NLRC5: variants seen among roughly 807,000 people sequenced by gnomAD.
The protein encoded by NLRC5 is NLR family CARD domain containing 5.
Under a neutral mutation model 206.9 loss-of-function variants are expected in NLRC5, and 114 were observed. The ratio of observed to expected loss-of-function variants is 0.55; its 90% CI spans 0.47 to 0.64. The LOEUF (loss-of-function observed/expected upper bound fraction) is 0.64. Among genes scored for constraint, NLRC5 ranks in the 30% least tolerant of loss-of-function variants. The pLI, the probability that NLRC5 is intolerant of heterozygous loss-of-function variation, is 0.00. For missense variants in NLRC5, 2,008 were observed against 2,305.5 expected, an observed-to-expected ratio of 0.87 and a Z score of 2.64; for synonymous variants, 952 against 962.8, an observed-to-expected ratio of 0.99 and a Z score of 0.21.
At chr16:57,023,090 G>A (rs1377797156) in intron 4 of NLRC5, among the ~76,000 whole-genome samples, 1 of 152,192 alleles carries the variant, frequency 6.6e-6, no homozygotes, top group Non-Finnish European at 1.5e-5. Flanking sequence ...TGGACAAGGA[G>A]CCCAGGGCCC....
intron 1 of NLRC5, among the ~76,000 whole-genome samples, chr16:57,014,933 T>TC (rs1231487721): frequency 1.3e-5 from 2 of 150,816 alleles, no homozygotes; most frequent in Non-Finnish European, 3.0e-5. Flanking sequence ...TTTCCTTTTT[T>TC]TTTTTGTTTG....
chr16:57,025,663 G>T lies in NLRC5; in HGVS notation c.720G>T (p.Arg240=). ...TGGGCAAGACCACGCTGGCCCACCG[G>T]CTCTGCCAGAAGTGGGCAGAGGGCC... ...AGMGKTTLAH[R]LCQKWAEGHL... is the part of the protein sequence containing the mutation. Residue 240 remains arginine (R), a synonymous_variant, in exon 6 of 49, where the codon CGG becomes CGT. Transcript: ENST00000688547. 6.2e-7 allele frequency: 1 copy of T among 1,614,198 alleles called. No homozygotes were observed. Among genetic ancestry groups the T allele is most frequent in the Non-Finnish European group, 8.5e-7 (1 of 1,180,030 alleles).
At chr16:57,029,731 C>A in intron 8 of NLRC5, 42 bp from the exon 9 acceptor site, 2 of 1,584,650 alleles carry the variant, frequency 1.3e-6, no homozygotes, top group East Asian at 2.2e-5. Flanking sequence ...TGCAAGTGCC[C>A]CAACCCCAGG....
chr16:57,025,448 C>T lies in NLRC5; in HGVS notation c.505C>T (p.Pro169Ser). Residue 169 changes from proline to serine, a missense_variant, in exon 6 of 49, where the codon CCC (proline) becomes TCC (serine). Coordinates refer to ENST00000688547, the MANE Select transcript of NLRC5 (RefSeq NM_001384950.1). ...YRSQIPGSGQPHAFHQVYVPP... is the reference protein window; with the variant it reads ...YRSQIPGSGQSHAFHQVYVPP... ...GAGCCAAATCCCTGGGTCAGGGCAG[C>T]CCCACGCCTTCCACCAGGTCTATGT... 1 of 1,608,146 alleles carries T rather than the reference C, an allele frequency of 6.2e-7. No individual in the cohort carries two copies. Among genetic ancestry groups the T allele is most frequent in the Non-Finnish European group, 8.5e-7 (1 of 1,176,650 alleles).
chr16:57,080,481 ATTTTTTT>A (rs34595999), intron 46 of NLRC5, among the ~76,000 whole-genome samples: 28 of 111,174 alleles, frequency 2.5e-4, no homozygotes, highest in African/African-American at 8.9e-4. Context: ...TCCTTTCAAG[ATTTTTTT>A]TTTTTTTTTT....
At chr16:57,023,965 T>A in intron 5 of NLRC5, 112 bp downstream of exon 5, 1 of 957,252 alleles carries the variant, frequency 1.0e-6, no homozygotes. Context: ...GCCCAGTGAC[T>A]CTTGTCTCGC....
rs186204005 is a variant in NLRC5, at chr16:57,029,689, G to A, written c.2244-84G>A. On this transcript the variant is annotated intron_variant, in intron 8 of 48. Transcript: ENST00000688547. ...CCCTGTCTTATGTCTCCCACATGAG[G>A]GTGGCCATCCTGTCACTTGCTAACT... 202 of 1,087,498 alleles carry A rather than the reference G, an allele frequency of 1.9e-4. No homozygotes were observed. In the African/African-American group the frequency reaches 2.9e-3, roughly 15 times the overall value. 67.4% of individuals were successfully genotyped at this position (1,087,498 alleles called of 1,614,324 possible).
Position 57,056,248 on chromosome 16 carries a change from T to C in NLRC5, c.3746+729T>C, listed in dbSNP as rs143008309. On this transcript the variant is annotated intron_variant, in intron 27 of 48. Coordinates refer to ENST00000688547, the MANE Select transcript of NLRC5 (RefSeq NM_001384950.1). ...AAATGCCACACAATTTTCATTTCTG[T>C]TGTGATGTGGCAGAGAAGAAAAATG... Among the ~76,000 whole-genome samples the C allele has an allele frequency of 1.6e-3, 238 of 152,276 alleles. 1 individual carries two copies. Among genetic ancestry groups the C allele is most frequent in the African/African-American group, 5.4e-3 (226 of 41,534 alleles).
chr16:56,997,016 C>T (rs1192281439), intron 1 of NLRC5, among the ~76,000 whole-genome samples: 2 of 152,106 alleles, frequency 1.3e-5, no homozygotes, highest in Non-Finnish European at 2.9e-5. Context: ...ACTATAGGTG[C>T]ACACCACTAT....
intron 18 of NLRC5, 62 bp from the exon 19 acceptor site, chr16:57,041,920 A>G (rs2063330796): frequency 8.8e-7 from 1 of 1,135,292 alleles, no homozygotes; most frequent in South Asian, 1.5e-5. Context: ...TGCAGGGACC[A>G]TGCTGCCAGC....
intron 1 of NLRC5, among the ~76,000 whole-genome samples, chr16:57,009,346 C>G (rs1474626029): frequency 6.6e-6 from 1 of 151,450 alleles, no homozygotes; most frequent in Non-Finnish European, 1.5e-5. Context: ...CTAATCACAG[C>G]ACTTTGGGAG....
Position 57,026,794 on chromosome 16 carries a change from CTG to C in NLRC5, c.1856_1857del (p.Val619GlyfsTer2). On this transcript the variant is annotated frameshift_variant, in exon 6 of 49. Transcript: ENST00000688547. LOFTEE classifies it high-confidence loss of function. The part of the protein sequence containing the change: ...TGPKVVELCH[C>X]VDETQEPELA... Reference sequence around the variant, plus strand: ...GGCCAAAGGTTGTAGAGCTGTGTCACTGTGTGGATGAGACACAGGAGCCTGAG... The same window carrying C: ...GGCCAAAGGTTGTAGAGCTGTGTCACTGTGGATGAGACACAGGAGCCTGAG... The C allele has an allele frequency of 1.2e-6, 2 of 1,614,200 alleles. No individual in the cohort carries two copies. Among genetic ancestry groups the C allele is most frequent in the Non-Finnish European group, 1.7e-6 (2 of 1,180,026 alleles).
At chr16:56,994,731 C>T (rs1163698318) in intron 1 of NLRC5, among the ~76,000 whole-genome samples, 1 of 150,834 alleles carries the variant, frequency 6.6e-6, no homozygotes, top group African/African-American at 2.4e-5. Context: ...GAGGGGATGG[C>T]AAGAAACAAA....
chr16:56,998,479 T>C (rs2057886726), intron 1 of NLRC5, among the ~76,000 whole-genome samples: 1 of 152,100 alleles, frequency 6.6e-6, no homozygotes, highest in Non-Finnish European at 1.5e-5. Flanking sequence ...AGCCCCACAA[T>C]AACTCTGTGA....
chr16:57,047,404 G>T, intron 22 of NLRC5, 141 bp from the exon 23 acceptor site: 1 of 689,680 alleles, frequency 1.4e-6, no homozygotes, highest in Non-Finnish European at 2.5e-6. Context: ...ACTCGAGAGG[G>T]AAGCGAGTGC....
chr16:57,036,267 G>A (rs1270577953), intron 14 of NLRC5, 84 bp downstream of exon 14: 4 of 1,262,046 alleles, frequency 3.2e-6, no homozygotes, highest in African/African-American at 3.0e-5. Context: ...CAGCAGTAAG[G>A]GTGCTGATCC....
At chr16:57,031,559 C>A in intron 11 of NLRC5, 96 bp downstream of exon 11, 1 of 1,178,254 alleles carries the variant, frequency 8.5e-7, no homozygotes, top group Non-Finnish European at 1.2e-6. Flanking sequence ...CTAGGAAGAG[C>A]TGGGGTATGG....
At chr16:57,031,267 G>A (rs547217919) in intron 10 of NLRC5, 137 bp from the exon 11 acceptor site, 8 of 848,598 alleles carry the variant, frequency 9.4e-6, no homozygotes, top group East Asian at 5.0e-5. Flanking sequence ...TGCTAGTTCC[G>A]TTATGTTTCC....
rs1482931436 is a variant in NLRC5 at position 57,083,281 on chromosome 16, G to A, written c.*753G>A. ...GGTGGAGGTAGGGCCAGCCTGGCGG[G>A]AGTGGAGAAGCCCAGTCTGTCCTAT... On this transcript the variant is annotated 3_prime_UTR_variant, in exon 49 of 49. Coordinates refer to ENST00000688547, the MANE Select transcript of NLRC5 (RefSeq NM_001384950.1). 6.6e-6 allele frequency: 1 copy of A among 152,314 alleles called. No homozygotes were observed. Among genetic ancestry groups the A allele is most frequent in the Non-Finnish European group, 1.5e-5 (1 of 68,116 alleles). 9.4% of individuals were successfully genotyped at this position (152,314 alleles called of 1,614,324 possible).
Sources: gnomAD v4.1 joint callset for allele counts (sites outside exome capture counted in the v4.1 genomes callset) on GRCh38, gnomAD v4.1.1 for gene constraint, MANE v1.5 for transcripts, NCBI Gene and HGNC (gene_info 2026-07-23, HGNC 2026-07-21) for gene names.